ADAMTS19: variants seen among roughly 807,000 people sequenced by gnomAD.
ADAMTS19 encodes A disintegrin and metalloproteinase with thrombospondin motifs 19.
ADAMTS19 carries 93 observed loss-of-function variants against 153.3 expected under a neutral mutation model. The observed-to-expected ratio is 0.61, with a 90% CI of 0.51 to 0.72. ADAMTS19 has a LOEUF of 0.72. Ranked by LOEUF, ADAMTS19 falls within the 30% of genes least tolerant of loss-of-function variation. ADAMTS19 has a pLI of 0.00. For missense variants in ADAMTS19, 1,482 were observed against 1,552.1 expected (o/e 0.95, Z 0.76); for synonymous variants, 600 against 556.6 (o/e 1.08, Z -1.10).
rs578107038 is a variant in ADAMTS19, at chr5:129,543,145, G to A, written c.1329-8719G>A. The stretch of plus-strand genomic sequence containing the variant: ...GCTCACCACAACCTCCGCCTCCCAG[G>A]TTCAAGTGATTCTCCTGCCTTAGCC... On this transcript the variant is annotated intron_variant, in intron 6 of 22. Transcript: ENST00000274487. Among the ~76,000 whole-genome samples the A allele has an allele frequency of 5.3e-5, 8 of 151,742 alleles. No individual in the cohort carries two copies. The South Asian group carries it at 1.5e-3, about 28-fold the overall frequency.
At chr5:129,466,479 A>C (rs923796381) in intron 2 of ADAMTS19, among the ~76,000 whole-genome samples, 7 of 152,156 alleles carry the variant, frequency 4.6e-5, no homozygotes, top group Admixed American at 4.6e-4. Flanking sequence ...ACAAACTGCT[A>C]TCCATAAAAA....
chr5:129,641,668 T>C (rs186671691), intron 10 of ADAMTS19, among the ~76,000 whole-genome samples, 191 bp from the exon 11 acceptor site: 24 of 152,274 alleles, frequency 1.6e-4, no homozygotes, highest in Admixed American at 1.4e-3. Flanking sequence ...TCATTATGTA[T>C]CAATCTTCCC....
chr5:129,566,350 G>T (rs935775305), intron 7 of ADAMTS19, among the ~76,000 whole-genome samples: 10 of 152,022 alleles, frequency 6.6e-5, no homozygotes, highest in African/African-American at 2.4e-4. Flanking sequence ...TTTATTTTTT[G>T]CAGAGAAGTA....
At chr5:129,658,396 A>T (rs185470648) in intron 14 of ADAMTS19, among the ~76,000 whole-genome samples, 48 of 152,190 alleles carry the variant, frequency 3.2e-4, no homozygotes, top group Middle Eastern at 3.4e-3. Flanking sequence ...GAAGGTAGGT[A>T]GGTTATCTCT....
intron 6 of ADAMTS19, among the ~76,000 whole-genome samples, chr5:129,544,501 A>G (rs972843227): frequency 6.6e-6 from 1 of 152,186 alleles, no homozygotes; most frequent in Admixed American, 6.6e-5. Flanking sequence ...TCTTTTAATT[A>G]TGTGAGAATC....
rs141998078 is a variant in ADAMTS19 at position 129,461,632 on chromosome 5, G to A, written c.622G>A (p.Gly208Ser). 4,361 of 1,593,626 alleles carry A rather than the reference G, an allele frequency of 2.7e-3. 113 individuals are homozygous for A. The African/African-American group carries it at 0.048, about 18-fold the overall frequency. ...AVEQRPNPGP[G>S]PTGAASAPQP... is the part of the protein sequence containing the mutation. ...GGAACAGCGGCCAAATCCCGGCCCCGGCCCCACGGGGGCAGCATCCGCCCC... is the reference window on the plus strand; with the variant it reads ...GGAACAGCGGCCAAATCCCGGCCCCAGCCCCACGGGGGCAGCATCCGCCCC... Residue 208 changes from glycine (G) to serine (S), a missense_variant, in exon 2 of 23, where the codon GGC becomes AGC. Physicochemically the swap from Gly to Ser is moderately conservative, Grantham distance 56. Around this residue, in one of 2 missense-constraint regions of ADAMTS19, gnomAD observed 866 missense variants for 827.7 expected, o/e 1.05. Coordinates refer to ENST00000274487, the MANE Select transcript of ADAMTS19 (RefSeq NM_133638.6). This position sits in a 1 kb window ranked among gnomAD's most constrained non-coding sequence, Gnocchi z 4.6.
intron 21 of ADAMTS19, among the ~76,000 whole-genome samples, chr5:129,712,448 G>A (rs968465946): frequency 2.0e-5 from 3 of 152,128 alleles, no homozygotes; most frequent in Non-Finnish European, 2.9e-5. Flanking sequence ...TTTCCATTTT[G>A]TTGTTTAGAT....
At chr5:129,700,714 C>G (rs1463223852) in intron 19 of ADAMTS19, among the ~76,000 whole-genome samples, 2 of 151,958 alleles carry the variant, frequency 1.3e-5, no homozygotes, top group Admixed American at 1.3e-4. Context: ...TGGATATTAG[C>G]AATTTTATAC....
intron 7 of ADAMTS19, among the ~76,000 whole-genome samples, chr5:129,555,393 C>T (rs1753278999): frequency 6.6e-6 from 1 of 152,068 alleles, no homozygotes; most frequent in Admixed American, 6.6e-5. Context: ...TTAATTCCCT[C>T]AAAATCTGAA....
At chr5:129,698,076 A>G (rs1755645421) in intron 19 of ADAMTS19, among the ~76,000 whole-genome samples, 1 of 152,202 alleles carries the variant, frequency 6.6e-6, no homozygotes, top group Admixed American at 6.5e-5. Context: ...AAAACGTCTC[A>G]ATAATGACTT....
At chr5:129,574,716 A>G (rs1331072133) in intron 7 of ADAMTS19, among the ~76,000 whole-genome samples, 1 of 152,002 alleles carries the variant, frequency 6.6e-6, no homozygotes, top group Non-Finnish European at 1.5e-5. Flanking sequence ...CAATTTGATG[A>G]GTTTGGATGT....
chr5:129,603,218 C>T (rs1581133681), intron 8 of ADAMTS19, among the ~76,000 whole-genome samples: 1 of 152,202 alleles, frequency 6.6e-6, no homozygotes, highest in Non-Finnish European at 1.5e-5. Context: ...GTGACAGTCA[C>T]TGTTCAGTCT....
At chr5:129,568,590 C>A (rs1383038502) in intron 7 of ADAMTS19, among the ~76,000 whole-genome samples, 1 of 152,066 alleles carries the variant, frequency 6.6e-6, no homozygotes, top group Non-Finnish European at 1.5e-5. Flanking sequence ...GAAGCTGAGG[C>A]TGGTGGATCA....
intron 6 of ADAMTS19, among the ~76,000 whole-genome samples, chr5:129,546,784 T>C (rs1186920696): frequency 6.6e-6 from 1 of 151,086 alleles, no homozygotes; most frequent in East Asian, 1.9e-4. Context: ...GAAAGTAAAT[T>C]ATAACTGAGA....
intron 21 of ADAMTS19, among the ~76,000 whole-genome samples, chr5:129,725,575 G>A (rs542086524): frequency 1.0e-3 from 156 of 152,118 alleles, no homozygotes; most frequent in South Asian, 3.3e-3. Flanking sequence ...ACCAGTTTCA[G>A]GTTTTTTCTA....
chr5:129,724,722 A>G (rs760795645), intron 21 of ADAMTS19, among the ~76,000 whole-genome samples: 2 of 152,158 alleles, frequency 1.3e-5, no homozygotes, highest in African/African-American at 4.8e-5. Flanking sequence ...GGTGAAATGC[A>G]GGAGGTTTTA....
At chr5:129,501,437 G>A (rs1166794166) in intron 2 of ADAMTS19, among the ~76,000 whole-genome samples, 2 of 152,124 alleles carry the variant, frequency 1.3e-5, no homozygotes, top group African/African-American at 4.8e-5. Context: ...GAGGGATGGG[G>A]CCTGGCCTGG....
chr5:129,673,680 A>T (rs895594833), intron 16 of ADAMTS19, among the ~76,000 whole-genome samples: 23 of 152,138 alleles, frequency 1.5e-4, no homozygotes, highest in African/African-American at 5.5e-4. Flanking sequence ...ATTCTTACTG[A>T]TACTCATCTT....
In ADAMTS19 at chr5:129,527,716, AT is replaced by A. The variant is rs1371545557; in HGVS notation, c.1087-28del. On this transcript the variant is annotated intron_variant, in intron 4 of 22. Coordinates refer to ENST00000274487, the MANE Select transcript of ADAMTS19 (RefSeq NM_133638.6). ...AAAAATTAAGATGATTTTCAGTTTAATTTTAGGATTTTTATTTTTATTTGTT... is the reference window on the plus strand; with the variant it reads ...AAAAATTAAGATGATTTTCAGTTTAATTTAGGATTTTTATTTTTATTTGTT... 2.3e-6 allele frequency: 3 copies of A among 1,312,702 alleles called. No homozygotes were observed. In the South Asian group the frequency reaches 4.0e-5, roughly 17 times the overall value. 81.3% of individuals were successfully genotyped at this position (1,312,702 alleles called of 1,614,324 possible). A position where few individuals can be genotyped will look rare whatever the true frequency, so the allele number is the denominator to read the frequency against.
Sources: allele counts gnomAD v4.1 joint callset (sites outside exome capture counted in the v4.1 genomes callset), GRCh38; gene constraint gnomAD v4.1.1; regional missense constraint gnomAD v4.1.1; non-coding constraint Gnocchi (gnomAD v3.1); transcripts MANE v1.5; gene names NCBI Gene and HGNC (gene_info 2026-07-23, HGNC 2026-07-21).